GRIN2A: variants seen among roughly 807,000 people sequenced by gnomAD.
The protein encoded by GRIN2A is glutamate ionotropic receptor NMDA type subunit 2A.
Under a neutral mutation model 113.4 loss-of-function variants are expected in GRIN2A, and 22 were observed. The observed-to-expected ratio is 0.19, with a 90% CI of 0.14 to 0.28. GRIN2A has a LOEUF of 0.28. Among genes scored for constraint, GRIN2A ranks in the 10% least tolerant of loss-of-function variants. The probability of loss-of-function intolerance (pLI) is 1.00; values close to 1 mark genes in which losing one functional copy is unlikely to be tolerated. For missense variants in GRIN2A, 1,502 were observed against 1,887.0 expected (o/e 0.80, Z 3.78); for synonymous variants, 827 against 738.4 (o/e 1.12, Z -1.94).
chr16:10,094,493 A>C (rs1186137064), intron 2 of GRIN2A, among the ~76,000 whole-genome samples: 4 of 151,672 alleles, frequency 2.6e-5, no homozygotes, highest in Non-Finnish European at 5.9e-5. Context: ...CTTATTGCCC[A>C]GGCTGGGGTG....
chr16:9,856,776 C>G, intron 4 of GRIN2A, among the ~76,000 whole-genome samples: 1 of 151,716 alleles, frequency 6.6e-6, no homozygotes, highest in Admixed American at 6.6e-5. Flanking sequence ...GATGAGGAAA[C>G]TGAGGCATGG....
Position 9,821,342 on chromosome 16 carries a change from C to T in GRIN2A, c.2168+922G>A, listed in dbSNP as rs575205015. The stretch of plus-strand genomic sequence containing the variant: ...ATTTCATGCATTCCTGGGTCTACAT[C>T]CAGGACACACTCCGTGCTTCCTACG... On this transcript the variant is annotated intron_variant, in intron 10 of 12. Transcript: ENST00000330684. 2.0e-5 allele frequency among the ~76,000 whole-genome samples: 3 copies of T among 152,224 alleles called. 1 individual carries two copies. The South Asian group carries it at 6.2e-4, about 32-fold the overall frequency.
At chr16:9,766,343 A>G (rs1900921239) in intron 12 of GRIN2A, among the ~76,000 whole-genome samples, 1 of 152,164 alleles carries the variant, frequency 6.6e-6, no homozygotes, top group Non-Finnish European at 1.5e-5. Flanking sequence ...TGACAGCCTC[A>G]ACTCATTTTC....
chr16:10,052,593 T>G (rs1370924586), intron 2 of GRIN2A, among the ~76,000 whole-genome samples: 1 of 152,150 alleles, frequency 6.6e-6, no homozygotes, highest in Admixed American at 6.5e-5. Context: ...AGGGTAAGTG[T>G]GACCAGGGCT....
chr16:9,877,659 C>T (rs1418334126), intron 4 of GRIN2A, among the ~76,000 whole-genome samples: 3 of 125,996 alleles, frequency 2.4e-5, no homozygotes, highest in Admixed American at 8.2e-5. Flanking sequence ...CCTCTCCCCC[C>T]TCTCTCTCCC....
At chr16:9,968,136 G>A (rs1340888672) in intron 2 of GRIN2A, among the ~76,000 whole-genome samples, 1 of 152,022 alleles carries the variant, frequency 6.6e-6, no homozygotes, top group East Asian at 1.9e-4. Context: ...GAAAGAGGTT[G>A]AAAATAGATA....
intron 2 of GRIN2A, among the ~76,000 whole-genome samples, chr16:10,066,408 G>C (rs1044130082): frequency 2.6e-5 from 4 of 152,190 alleles, no homozygotes; most frequent in African/African-American, 9.7e-5. Flanking sequence ...GCAGCAGAGA[G>C]TTTCAAGGTT....
intron 2 of GRIN2A, among the ~76,000 whole-genome samples, chr16:9,946,691 A>G (rs2045025395): frequency 6.6e-6 from 1 of 152,278 alleles, no homozygotes; most frequent in South Asian, 2.1e-4. Flanking sequence ...AATCTGATCT[A>G]ATCAGAGTGG....
At chr16:9,951,123 C>T (rs996936559) in intron 2 of GRIN2A, among the ~76,000 whole-genome samples, 1 of 152,104 alleles carries the variant, frequency 6.6e-6, no homozygotes, top group African/African-American at 2.4e-5. Context: ...AAGATCAACC[C>T]TTCCCCAGCA....
Position 10,150,357 on chromosome 16 carries a change from G to T in GRIN2A, c.414+29641C>A, listed in dbSNP as rs997880444. 7.9e-5 allele frequency among the ~76,000 whole-genome samples: 12 copies of T among 152,306 alleles called. No individual in the cohort carries two copies. The East Asian group carries it at 2.3e-3, about 29-fold the overall frequency. On this transcript the variant is annotated intron_variant, in intron 2 of 12. Coordinates refer to ENST00000330684, the MANE Select transcript of GRIN2A (RefSeq NM_001134407.3). Reference sequence around the variant, plus strand: ...AGGAAATAGCAGTGGGTTTTATAAGGTGGGAACAAGGGCTTCAGGTTATTT... The same window carrying T: ...AGGAAATAGCAGTGGGTTTTATAAGTTGGGAACAAGGGCTTCAGGTTATTT...
chr16:9,846,248 C>A (rs1028772535), intron 5 of GRIN2A, among the ~76,000 whole-genome samples: 6 of 150,882 alleles, frequency 4.0e-5, no homozygotes, highest in African/African-American at 1.5e-4. Context: ...GACTGCTTAT[C>A]AAAAAAAAAC....
At chr16:9,975,398 G>T (rs1284066275) in intron 2 of GRIN2A, among the ~76,000 whole-genome samples, 5 of 152,182 alleles carry the variant, frequency 3.3e-5, no homozygotes, top group Non-Finnish European at 5.9e-5. Context: ...CAGAGAAGTA[G>T]CAGAGAAGAA....
chr16:10,036,692 C>T lies in GRIN2A; in HGVS notation c.415-98141G>A, dbSNP rs572216755. On this transcript the variant is annotated intron_variant, in intron 2 of 12. Coordinates refer to ENST00000330684, the MANE Select transcript of GRIN2A (RefSeq NM_001134407.3). ...CCATCTCCTGACCTCGTGATCCGCC[C>T]ACCTCGGCCTCCCAAAATGCTGGGA... Among the ~76,000 whole-genome samples, 77 of 151,638 alleles carry T rather than the reference C, an allele frequency of 5.1e-4. 5 individuals are homozygous for T. The East Asian group carries it at 0.015, about 30-fold the overall frequency.
At chr16:10,019,757 T>C (rs1177402599) in intron 2 of GRIN2A, among the ~76,000 whole-genome samples, 5 of 152,206 alleles carry the variant, frequency 3.3e-5, no homozygotes, top group Non-Finnish European at 7.3e-5. Context: ...GGATTCATCT[T>C]ACACTGACTT....
At position 9,758,104 on chromosome 16, in the gene GRIN2A, A is replaced by T. The variant is rs148967966; in HGVS notation, c.*5045T>A. 1,795 of 213,304 alleles carry T rather than the reference A, an allele frequency of 8.4e-3. 13 individuals carry two copies. Among genetic ancestry groups the T allele is most frequent in the Middle Eastern group, 0.015 (10 of 652 alleles). 13.2% of individuals were successfully genotyped at this position (213,304 alleles called of 1,614,324 possible). A position where few individuals can be genotyped will look rare whatever the true frequency, so the allele number is the denominator to read the frequency against. ...CCCATTTGTAAACTTCATTTTTCTCATCTCTCCTCCCCTTCTCCTAACTTT... is the reference window on the plus strand; with the variant it reads ...CCCATTTGTAAACTTCATTTTTCTCTTCTCTCCTCCCCTTCTCCTAACTTT... On this transcript the variant is annotated 3_prime_UTR_variant, in exon 13 of 13. Transcript: ENST00000330684.
intron 2 of GRIN2A, among the ~76,000 whole-genome samples, chr16:10,021,898 G>C (rs758713070): frequency 6.6e-6 from 1 of 152,082 alleles, no homozygotes; most frequent in Non-Finnish European, 1.5e-5. Context: ...TCTGCCCCCA[G>C]TGATGGGGAT....
In GRIN2A at chr16:10,112,835, C is replaced by G. The variant is rs376142102; in HGVS notation, c.414+67163G>C. The G allele has an allele frequency of 1.9e-3, 1,167 of 606,748 alleles. 20 individuals carry two copies. The highest frequency in any genetic ancestry group is 0.017 in the South Asian group (1,133 of 65,302). The allele number at this position is 606,748 out of a possible 1,614,324, so 37.6% of individuals were successfully genotyped here. On this transcript the variant is annotated intron_variant, in intron 2 of 12. Coordinates refer to ENST00000330684, the MANE Select transcript of GRIN2A (RefSeq NM_001134407.3). Reference sequence around the variant, plus strand: ...AGAAGTGGACCATGTCAGCCCAGATCGAGGGTGGCGTCCATGGCCTGCACG... The same window carrying G: ...AGAAGTGGACCATGTCAGCCCAGATGGAGGGTGGCGTCCATGGCCTGCACG...
At position 9,756,578 on chromosome 16, in the gene GRIN2A, G is replaced by C. The variant is rs754171304; in HGVS notation, c.*6571C>G. 1.5e-5 allele frequency: 3 copies of C among 201,734 alleles called. No individual in the cohort carries two copies. The highest frequency in any genetic ancestry group is 2.3e-5 in the African/African-American group (1 of 43,604). 12.5% of individuals were successfully genotyped at this position (201,734 alleles called of 1,614,324 possible). A position where few individuals can be genotyped will look rare whatever the true frequency, so the allele number is the denominator to read the frequency against. ...GTTAGGGATTTACTAGCTAATTCTA[G>C]TTGCTGACGAGGTTGAGAAAAACCT... On this transcript the variant is annotated 3_prime_UTR_variant, in exon 13 of 13. Transcript: ENST00000330684.
chr16:9,773,597 C>T (rs1040987384), intron 11 of GRIN2A, among the ~76,000 whole-genome samples: 5 of 152,166 alleles, frequency 3.3e-5, no homozygotes, highest in Admixed American at 1.3e-4. Context: ...AGTCAAACCA[C>T]ACTGCCTTTG....
Sources: allele counts gnomAD v4.1 joint callset (sites outside exome capture counted in the v4.1 genomes callset), GRCh38; gene constraint gnomAD v4.1.1; transcripts MANE v1.5; gene names NCBI Gene and HGNC (gene_info 2026-07-23, HGNC 2026-07-21).